The following MAST2 variants were observed in gnomAD, a reference collection of about 807,000 sequenced individuals.
MAST2 encodes microtubule-associated serine/threonine-protein kinase 2.
In MAST2, 70 loss-of-function variants were observed where a neutral mutation model predicts 147.4. The observed-to-expected ratio is 0.47, with a 90% confidence interval of 0.39 to 0.58. The LOEUF (loss-of-function observed/expected upper bound fraction) is 0.58. MAST2 is among the 20% of genes least tolerant of loss of function. The probability of loss-of-function intolerance (pLI) is 0.00; values close to 1 mark genes in which losing one functional copy is unlikely to be tolerated. For missense variants in MAST2, 2,080 were observed against 2,302.3 expected, an observed-to-expected ratio of 0.90 and a Z score of 1.98; for synonymous variants, 869 against 896.8, an observed-to-expected ratio of 0.97 and a Z score of 0.55.
intron 10 of MAST2, among the ~76,000 whole-genome samples, chr1:46,014,985 A>G (rs923979699): frequency 1.3e-5 from 2 of 151,830 alleles, no homozygotes; most frequent in Non-Finnish European, 2.9e-5. Context: ...CTCTCAGACC[A>G]CAGTGCAATC....
intron 5 of MAST2, among the ~76,000 whole-genome samples, chr1:45,961,252 T>A (rs1400127103): frequency 1.3e-5 from 2 of 152,118 alleles, no homozygotes; most frequent in Non-Finnish European, 2.9e-5. Context: ...AAAAATTGAC[T>A]GAAATTAGCT....
At chr1:45,932,303 T>C (rs541786794) in intron 4 of MAST2, among the ~76,000 whole-genome samples, 1 of 152,326 alleles carries the variant, frequency 6.6e-6, no homozygotes, top group South Asian at 2.1e-4. Context: ...ATTCTTTCTA[T>C]ACCCATCAGT....
At chr1:45,824,123 G>A (rs1201669785) in intron 1 of MAST2, among the ~76,000 whole-genome samples, 3 of 151,960 alleles carry the variant, frequency 2.0e-5, no homozygotes, top group Non-Finnish European at 4.4e-5. Flanking sequence ...ATGAATAAAA[G>A]GATAAACATA....
At chr1:45,939,247 C>T (rs959399535) in intron 4 of MAST2, among the ~76,000 whole-genome samples, 2 of 152,114 alleles carry the variant, frequency 1.3e-5, no homozygotes, top group Admixed American at 6.5e-5. Context: ...ATTTTTCTAG[C>T]AGAATTCGCT....
Position 45,998,427 on chromosome 1 carries a change from G to A in MAST2, c.668+628G>A, listed in dbSNP as rs937851893. Among the ~76,000 whole-genome samples the A allele has an allele frequency of 3.3e-5, 5 of 152,348 alleles. No homozygotes were observed. In the East Asian group the frequency reaches 9.6e-4, roughly 29 times the overall value. On this transcript the variant is annotated intron_variant, in intron 6 of 28. Coordinates refer to ENST00000361297, the MANE Select transcript of MAST2 (RefSeq NM_015112.3). The stretch of plus-strand genomic sequence containing the variant: ...CCTGTCTCTGGCCCATGGCAGCAAC[G>A]CTGACAGCTCTGCCTGTGGCTGGAA...
In MAST2 at chr1:45,808,717, C is replaced by T. The variant is rs918211834; in HGVS notation, c.177+4645C>T. On this transcript the variant is annotated intron_variant, in intron 1 of 28. Transcript: ENST00000361297. Reference sequence around the variant, plus strand: ...GTCTCTTAACCTCTAATATATTTCACGTTCTATTAACAAAAGATTGGAACT... The same window carrying T: ...GTCTCTTAACCTCTAATATATTTCATGTTCTATTAACAAAAGATTGGAACT... Among the ~76,000 whole-genome samples, 3 of 152,114 alleles carry T rather than the reference C, an allele frequency of 2.0e-5. No homozygotes were observed. The South Asian group carries it at 6.2e-4, about 32-fold the overall frequency.
intron 4 of MAST2, among the ~76,000 whole-genome samples, chr1:45,953,111 G>A (rs376611033): frequency 9.2e-5 from 14 of 152,112 alleles, no homozygotes; most frequent in African/African-American, 3.1e-4. Flanking sequence ...TTGAGGTGCT[G>A]GTTAACTTTA....
intron 1 of MAST2, among the ~76,000 whole-genome samples, chr1:45,812,929 T>C (rs1644346091): frequency 6.6e-6 from 1 of 152,166 alleles, no homozygotes; most frequent in Non-Finnish European, 1.5e-5. Context: ...ACCTTACCTG[T>C]ATTCCACATT....
At chr1:45,972,695 G>A (rs1643965282) in intron 5 of MAST2, among the ~76,000 whole-genome samples, 2 of 152,124 alleles carry the variant, frequency 1.3e-5, no homozygotes, top group East Asian at 3.9e-4. Context: ...TCATCTACAT[G>A]CTTAATTCAT....
chr1:45,840,760 C>T (rs946166904), intron 3 of MAST2, among the ~76,000 whole-genome samples: 2 of 152,206 alleles, frequency 1.3e-5, no homozygotes, highest in Admixed American at 6.5e-5. Flanking sequence ...TCAAGCATAG[C>T]AGCCAAGTTT....
intron 3 of MAST2, chr1:45,847,623 G>A (rs747142483): frequency 9.6e-6 from 6 of 625,902 alleles, no homozygotes; most frequent in South Asian, 1.7e-5. Flanking sequence ...ACGTCCTCGC[G>A]GCCACAGAGG....
intron 9 of MAST2, among the ~76,000 whole-genome samples, chr1:46,010,198 T>A (rs901227194): frequency 6.6e-6 from 1 of 152,118 alleles, no homozygotes; most frequent in African/African-American, 2.4e-5. Context: ...AACTTCCCGG[T>A]TTAGAAACCA....
intron 4 of MAST2, among the ~76,000 whole-genome samples, chr1:45,950,390 C>T (rs1438385268): frequency 1.3e-5 from 2 of 152,056 alleles, no homozygotes; most frequent in Non-Finnish European, 2.9e-5. Context: ...AAGACTTCAC[C>T]CTCAGTGCAG....
chr1:46,025,655 T>C (rs1296814029), intron 15 of MAST2, 22 bp from the exon 16 acceptor site: 1 of 1,613,748 alleles, frequency 6.2e-7, no homozygotes, highest in East Asian at 2.2e-5. Flanking sequence ...CCTTTCCTCA[T>C]GGTAGCCTGG....
intron 5 of MAST2, among the ~76,000 whole-genome samples, chr1:45,981,578 C>T (rs1481627909): frequency 1.3e-5 from 2 of 152,128 alleles, no homozygotes; most frequent in African/African-American, 4.8e-5. Context: ...GTCCCCAATC[C>T]TTCAGAGGGT....
chr1:46,031,534 A>G lies in MAST2; in HGVS notation c.3136A>G (p.Lys1046Glu), dbSNP rs1646667381. ...TEKRTARPVN[K>E]VIKSASATAL... is the part of the protein sequence containing the mutation. ...GAAGCGCACTGCTCGCCCTGTCAAC[A>G]AAGTGATCAAGTCCGCCTCAGCCAC... The change falls in exon 24 of 29, where the codon AAA becomes GAA. Residue 1046 changes from lysine (K) to glutamate (E), a missense_variant. By Grantham distance (56) the Lys-to-Glu change is moderately conservative (BLOSUM62 1). Around this residue, in one of 4 missense-constraint regions of MAST2, gnomAD observed 1,278 missense variants for 1,304.2 expected, o/e 0.98. Coordinates refer to ENST00000361297, the MANE Select transcript of MAST2 (RefSeq NM_015112.3). The surrounding 1 kb of genome is among the most constrained non-coding windows in gnomAD (Gnocchi z 4.1). 1 of 1,614,018 alleles carries G rather than the reference A, an allele frequency of 6.2e-7. No individual in the cohort carries two copies. The highest frequency in any genetic ancestry group is 1.3e-5 in the African/African-American group (1 of 74,934).
chr1:45,999,594 T>A (rs1645192162), intron 6 of MAST2, among the ~76,000 whole-genome samples: 1 of 152,224 alleles, frequency 6.6e-6, no homozygotes, highest in Admixed American at 6.5e-5. Context: ...ACATAGTCCC[T>A]ACTTCCCTGA....
At chr1:45,865,033 A>G in intron 3 of MAST2, 1 of 445,904 alleles carries the variant, frequency 2.2e-6, no homozygotes, top group Non-Finnish European at 4.5e-6. Context: ...TTGCCTCTTT[A>G]TCCAGCAGTA....
At position 45,957,181 on chromosome 1, in the gene MAST2, C is replaced by T. The variant is rs114352893; in HGVS notation, c.501-2205C>T. The stretch of plus-strand genomic sequence containing the variant: ...AAGCATACAACATACTCTTTTTTGT[C>T]TGGCATCTTGCTTTCAGCATAATTA... On this transcript the variant is annotated intron_variant, in intron 4 of 28. Coordinates refer to ENST00000361297, the MANE Select transcript of MAST2 (RefSeq NM_015112.3). 4.4e-3 allele frequency among the ~76,000 whole-genome samples: 663 copies of T among 152,206 alleles called. 6 individuals carry two copies. Among genetic ancestry groups the T allele is most frequent in the African/African-American group, 0.015 (624 of 41,550 alleles).
Sources: gnomAD v4.1 joint callset for allele counts (sites outside exome capture counted in the v4.1 genomes callset) on GRCh38, gnomAD v4.1.1 for gene constraint, gnomAD v4.1.1 regional missense constraint, Gnocchi (gnomAD v3.1) non-coding constraint, MANE v1.5 for transcripts, NCBI Gene and HGNC (gene_info 2026-07-23, HGNC 2026-07-21) for gene names.